CACNA1E: variants seen among roughly 807,000 people sequenced by gnomAD.
CACNA1E encodes voltage-dependent R-type calcium channel subunit alpha-1E.
A neutral mutation model predicts 259.2 loss-of-function variants in CACNA1E; 40 were observed. The ratio of observed to expected loss-of-function variants is 0.15; its 90% confidence interval spans 0.12 to 0.20. The LOEUF (loss-of-function observed/expected upper bound fraction) is 0.20. CACNA1E is among the 10% of genes least tolerant of loss of function. The pLI, the probability that CACNA1E is intolerant of heterozygous loss-of-function variation, is 1.00. For missense variants in CACNA1E, 1,874 were observed against 3,040.1 expected, an observed-to-expected ratio of 0.62 and a Z score of 9.02; for synonymous variants, 1,104 against 1,138.5, an observed-to-expected ratio of 0.97 and a Z score of 0.61.
chr1:181,565,088 T>A (rs953961188), intron 3 of CACNA1E, among the ~76,000 whole-genome samples: 15 of 152,178 alleles, frequency 9.9e-5, no homozygotes, highest in African/African-American at 3.6e-4. Flanking sequence ...ACTAACTGCA[T>A]TTACCCATAA....
chr1:181,624,083 G>A (rs1158142155), intron 6 of CACNA1E, among the ~76,000 whole-genome samples: 1 of 152,222 alleles, frequency 6.6e-6, no homozygotes, highest in Non-Finnish European at 1.5e-5. Context: ...CATGGTGAGA[G>A]CAGGAAGCAA....
chr1:181,694,166 G>A (rs760444304), intron 7 of CACNA1E, among the ~76,000 whole-genome samples: 20 of 152,126 alleles, frequency 1.3e-4, no homozygotes, highest in African/African-American at 2.2e-4. Context: ...TCATTACCAC[G>A]TGATGTTTAA....
intron 44 of CACNA1E, among the ~76,000 whole-genome samples, chr1:181,790,781 A>G (rs1267534286): frequency 6.6e-6 from 1 of 152,110 alleles, no homozygotes; most frequent in Non-Finnish European, 1.5e-5. Flanking sequence ...TCCCTGCAGC[A>G]GGAACTTAAA....
chr1:181,323,408 C>CT (rs1036742700), intron 1 of CACNA1E, among the ~76,000 whole-genome samples: 7 of 152,120 alleles, frequency 4.6e-5, no homozygotes, highest in African/African-American at 1.7e-4. Flanking sequence ...TGGGTCTCCA[C>CT]TTATTAATAC....
At chr1:181,647,559 G>A (rs1658391367) in intron 6 of CACNA1E, among the ~76,000 whole-genome samples, 1 of 152,158 alleles carries the variant, frequency 6.6e-6, no homozygotes, top group African/African-American at 2.4e-5. Context: ...GCTTCACCCC[G>A]ACTTCCACTT....
chr1:181,725,671 G>C (rs1203996845), intron 17 of CACNA1E, among the ~76,000 whole-genome samples: 1 of 152,232 alleles, frequency 6.6e-6, no homozygotes, highest in Non-Finnish European at 1.5e-5. Context: ...GTCCTTGCCT[G>C]GAAGGCCCCT....
In CACNA1E at chr1:181,776,057, G is replaced by A; in HGVS notation, c.5140-44G>A. On this transcript the variant is annotated intron_variant, in intron 37 of 47. Coordinates refer to ENST00000367573, the MANE Select transcript of CACNA1E (RefSeq NM_001205293.3). This position sits in a 1 kb window ranked among gnomAD's most constrained non-coding sequence, Gnocchi z 4.4. ...CCTGTTCTTCTGCTTCCTGAGCTCT[G>A]CTTTAGGTTTCCCCTAACCCCTCTT... The A allele has an allele frequency of 6.9e-6, 11 of 1,583,108 alleles. No individual in the cohort carries two copies. The highest frequency in any genetic ancestry group is 9.5e-6 in the Non-Finnish European group (11 of 1,162,044).
At chr1:181,452,818 T>A (rs1399279165) in intron 2 of CACNA1E, among the ~76,000 whole-genome samples, 1 of 152,222 alleles carries the variant, frequency 6.6e-6, no homozygotes, top group African/African-American at 2.4e-5. Context: ...TCCCTCTGGA[T>A]CTTGTTCTAG....
chr1:181,724,103 C>T (rs1287200275), intron 16 of CACNA1E, among the ~76,000 whole-genome samples: 1 of 152,176 alleles, frequency 6.6e-6, no homozygotes, highest in African/African-American at 2.4e-5. Context: ...TACCAGATAA[C>T]ACTTTGGAGT....
In CACNA1E at chr1:181,537,336, C is replaced by T. The variant is rs1449462535; in HGVS notation, c.512+25826C>T. Among the ~76,000 whole-genome samples the T allele has an allele frequency of 5.3e-5, 8 of 151,794 alleles. 1 individual carries two copies. The highest frequency in any genetic ancestry group is 1.3e-4 in the Admixed American group (2 of 15,244). On this transcript the variant is annotated intron_variant, in intron 3 of 47. Coordinates refer to ENST00000367573, the MANE Select transcript of CACNA1E (RefSeq NM_001205293.3). ...CTGGTCTTGAACTCCTAACCTCAGG[C>T]GATCCACCCACCTTGGCCTCCCAAA... is the stretch of plus-strand genomic sequence containing the variant.
chr1:181,412,611 C>T (rs1415690520), intron 1 of CACNA1E, among the ~76,000 whole-genome samples: 1 of 151,104 alleles, frequency 6.6e-6, no homozygotes, highest in Admixed American at 6.6e-5. Context: ...CCCCCAGGCA[C>T]GCACTTGGGA....
At chr1:181,567,010 C>T (rs888899797) in intron 3 of CACNA1E, among the ~76,000 whole-genome samples, 2 of 152,086 alleles carry the variant, frequency 1.3e-5, no homozygotes, top group Non-Finnish European at 2.9e-5. Context: ...CAGCTCCCCA[C>T]CACCAATTGT....
At chr1:181,472,007 T>C (rs1371571845) in intron 2 of CACNA1E, among the ~76,000 whole-genome samples, 1 of 152,162 alleles carries the variant, frequency 6.6e-6, no homozygotes, top group Non-Finnish European at 1.5e-5. Flanking sequence ...AACAAAATGT[T>C]CATCGATGGA....
intron 26 of CACNA1E, 108 bp downstream of exon 26, chr1:181,750,595 C>A: frequency 9.9e-7 from 1 of 1,014,644 alleles, no homozygotes; most frequent in South Asian, 1.4e-5. Context: ...AAAGAGTGGT[C>A]AGTTTTTATT....
At chr1:181,464,748 A>G (rs748173339) in intron 2 of CACNA1E, among the ~76,000 whole-genome samples, 1 of 152,012 alleles carries the variant, frequency 6.6e-6, no homozygotes, top group Non-Finnish European at 1.5e-5. Flanking sequence ...CTTCAAGTCC[A>G]ATACTGAATA....
intron 1 of CACNA1E, among the ~76,000 whole-genome samples, chr1:181,403,439 C>T (rs964622706): frequency 2.6e-5 from 4 of 151,904 alleles, no homozygotes; most frequent in Non-Finnish European, 5.9e-5. Context: ...TTCCCCACCT[C>T]AAACTTACTG....
intron 2 of CACNA1E, among the ~76,000 whole-genome samples, chr1:181,435,826 CAA>C (rs1400263121): frequency 6.6e-6 from 1 of 152,036 alleles, no homozygotes; most frequent in Non-Finnish European, 1.5e-5. Flanking sequence ...ATATTAAGTC[CAA>C]AGAGTTCAAT....
At chr1:181,542,908 T>C (rs1004054152) in intron 3 of CACNA1E, among the ~76,000 whole-genome samples, 1 of 147,400 alleles carries the variant, frequency 6.8e-6, no homozygotes, top group African/African-American at 2.5e-5. Flanking sequence ...TGGGAAATGC[T>C]GCATACTAGA....
At chr1:181,511,667 A>G (rs1666179770) in intron 3 of CACNA1E, among the ~76,000 whole-genome samples, 157 bp downstream of exon 3, 1 of 152,248 alleles carries the variant, frequency 6.6e-6, no homozygotes, top group Admixed American at 6.5e-5. Flanking sequence ...GTGCTGGACC[A>G]TAGGTCAGCC....
Sources: allele counts gnomAD v4.1 joint callset (sites outside exome capture counted in the v4.1 genomes callset), GRCh38; gene constraint gnomAD v4.1.1; non-coding constraint Gnocchi (gnomAD v3.1); transcripts MANE v1.5; gene names NCBI Gene and HGNC (gene_info 2026-07-23, HGNC 2026-07-21).